Variants in LBR observed in about 807,000 individuals in gnomAD.
LBR encodes the protein lamin B receptor.
A neutral mutation model predicts 74.3 loss-of-function variants in LBR; 28 were observed. That is an observed-to-expected ratio of 0.38 (90% confidence interval 0.28 to 0.52). The LOEUF (loss-of-function observed/expected upper bound fraction) is 0.52. Among genes scored for constraint, LBR ranks in the 20% least tolerant of loss-of-function variants. LBR has a pLI of 0.89. For missense variants in LBR, 717 were observed against 760.3 expected (o/e 0.94, Z 0.67); for synonymous variants, 228 against 269.3 (o/e 0.85, Z 1.50).
At chr1:225,423,445 T>C (rs1413343009) in intron 2 of LBR, among the ~76,000 whole-genome samples, 5 of 146,220 alleles carry the variant, frequency 3.4e-5, no homozygotes, top group African/African-American at 1.3e-4. Context: ...AGCCCTCCCC[T>C]ACCACCCCCT....
intron 1 of LBR, among the ~76,000 whole-genome samples, chr1:225,426,202 C>T (rs936004535): frequency 6.6e-6 from 1 of 151,372 alleles, no homozygotes; most frequent in East Asian, 2.0e-4. Context: ...ACATGATGTG[C>T]ACCCCCACTT....
rs774007560 is a variant in LBR at position 225,404,374 on chromosome 1, G to A, written c.1687+30C>T. 14 of 1,613,246 alleles carry A rather than the reference G, an allele frequency of 8.7e-6. No homozygotes were observed. The East Asian group carries it at 2.9e-4, about 33-fold the overall frequency. On this transcript the variant is annotated intron_variant, in intron 13 of 13. Coordinates refer to ENST00000272163, the MANE Select transcript of LBR (RefSeq NM_002296.4). ...ACACATCTTTCTGGCGGCTAAAAGG[G>A]TCAAACTAGCACTCTTCTGAAATGC...
chr1:225,403,199 C>T lies in LBR; in HGVS notation c.*104G>A, dbSNP rs906652015. Reference sequence around the variant, plus strand: ...TGACTCAAAAAGAAAAAAAAAAGTACAGACCCTGTCAGTGCAACAAAAGAA... The same window carrying T: ...TGACTCAAAAAGAAAAAAAAAAGTATAGACCCTGTCAGTGCAACAAAAGAA... On this transcript the variant is annotated 3_prime_UTR_variant, in exon 14 of 14. Coordinates refer to ENST00000272163, the MANE Select transcript of LBR (RefSeq NM_002296.4). The T allele has an allele frequency of 1.4e-5, 15 of 1,083,882 alleles. No individual in the cohort carries two copies. Among genetic ancestry groups the T allele is most frequent in the African/African-American group, 9.4e-5 (6 of 63,956 alleles). 67.1% of individuals were successfully genotyped at this position (1,083,882 alleles called of 1,614,324 possible).
At chr1:225,411,056 CTTACATTAATT>C (rs1413299405) in intron 9 of LBR, among the ~76,000 whole-genome samples, 6 of 152,162 alleles carry the variant, frequency 3.9e-5, no homozygotes, top group Non-Finnish European at 8.8e-5. Flanking sequence ...TGCATTTTTT[CTTACATTAATT>C]CATCCACACT....
intron 7 of LBR, among the ~76,000 whole-genome samples, chr1:225,414,850 G>A (rs1249040850): frequency 6.6e-6 from 1 of 152,222 alleles, no homozygotes; most frequent in African/African-American, 2.4e-5. Context: ...TGAAGATGCA[G>A]GTGTCAGACG....
At position 225,416,287 on chromosome 1, in the gene LBR, C is replaced by G. The variant is rs138430749; in HGVS notation, c.838-955G>C. Among the ~76,000 whole-genome samples the G allele has an allele frequency of 2.0e-4, 31 of 152,210 alleles. No homozygotes were observed. In the East Asian group the frequency reaches 5.2e-3, roughly 26 times the overall value. ...TCTCCTCTCTTCATTCGGCATCACT[C>G]ACAGCATTCAGCACAGAGATACCCA... is the stretch of plus-strand genomic sequence containing the variant. On this transcript the variant is annotated intron_variant, in intron 6 of 13. Coordinates refer to ENST00000272163, the MANE Select transcript of LBR (RefSeq NM_002296.4).
intron 13 of LBR, 27 bp downstream of exon 13, chr1:225,404,377 A>C: frequency 6.2e-7 from 1 of 1,613,474 alleles, no homozygotes; most frequent in Non-Finnish European, 8.5e-7. Context: ...TAAAAGGGTC[A>C]AACTAGCACT....
intron 7 of LBR, among the ~76,000 whole-genome samples, chr1:225,414,942 G>C (rs1404167336): frequency 6.6e-6 from 1 of 152,234 alleles, no homozygotes; most frequent in Non-Finnish European, 1.5e-5. Context: ...ACATGAGCAA[G>C]GACAAGAGCA....
rs763223904 is a variant in LBR at position 225,403,498 on chromosome 1, TTTA to T, written c.1688-38_1688-36del. On this transcript the variant is annotated intron_variant, in intron 13 of 13. Coordinates refer to ENST00000272163, the MANE Select transcript of LBR (RefSeq NM_002296.4). ...ATAATAGTACACAGTATTAGATATT[TTTA>T]TTATCACTACAATGTATTTTTTCCT... 3.9e-6 allele frequency: 6 copies of T among 1,520,626 alleles called. No homozygotes were observed. In the East Asian group the frequency reaches 9.1e-5, roughly 23 times the overall value. The allele number at this position is 1,520,626 out of a possible 1,614,324, so 94.2% of individuals were successfully genotyped here.
intron 1 of LBR, among the ~76,000 whole-genome samples, chr1:225,426,723 C>G (rs2096139859): frequency 6.6e-6 from 1 of 152,180 alleles, no homozygotes; most frequent in South Asian, 2.1e-4. Flanking sequence ...CCCGGTAGCC[C>G]CACTAGGCAA....
intron 10 of LBR, 87 bp downstream of exon 10, chr1:225,410,204 T>G: frequency 6.3e-7 from 1 of 1,593,554 alleles, no homozygotes; most frequent in Non-Finnish European, 8.6e-7. Context: ...TCCCCTCACT[T>G]TGTGTGCAAG....
intron 1 of LBR, among the ~76,000 whole-genome samples, chr1:225,425,677 T>G (rs1485664061): frequency 6.6e-6 from 1 of 152,162 alleles, no homozygotes; most frequent in Admixed American, 6.5e-5. Context: ...GAAGGAAATG[T>G]ACCCTCCTTC....
intron 1 of LBR, chr1:225,427,400 A>T (rs2096141846): frequency 6.6e-6 from 1 of 152,388 alleles, no homozygotes; most frequent in Admixed American, 6.5e-5. Context: ...GTGTGCCTGG[A>T]GAATCACCAA....
intron 7 of LBR, among the ~76,000 whole-genome samples, chr1:225,413,493 A>G (rs2096110531): frequency 6.6e-6 from 1 of 152,250 alleles, no homozygotes; most frequent in Non-Finnish European, 1.5e-5. Context: ...GTCAAAAGCA[A>G]AAAAGAGGTA....
chr1:225,414,082 G>A, intron 7 of LBR: 1 of 456,732 alleles, frequency 2.2e-6, no homozygotes. Context: ...GAGGGAGGGA[G>A]GGTGCCAAAG....
Position 225,410,749 on chromosome 1 carries a change from A to G in LBR, c.1189-333T>C, listed in dbSNP as rs112835806. On this transcript the variant is annotated intron_variant, in intron 9 of 13. Transcript: ENST00000272163. ...GTCATGAGAGACAAGGAAAGCCTAAACAACTATTAGACTAGAGAAGACTAA... is the reference window on the plus strand; with the variant it reads ...GTCATGAGAGACAAGGAAAGCCTAAGCAACTATTAGACTAGAGAAGACTAA... Among the ~76,000 whole-genome samples the G allele has an allele frequency of 1.9e-3, 292 of 152,350 alleles. 1 individual carries two copies. The highest frequency in any genetic ancestry group is 6.7e-3 in the African/African-American group (277 of 41,592).
chr1:225,405,644 C>G (rs944601229), intron 11 of LBR, among the ~76,000 whole-genome samples: 13 of 152,216 alleles, frequency 8.5e-5, no homozygotes, highest in African/African-American at 3.1e-4. Context: ...ATTCCAGCAC[C>G]ATGCTCTTTG....
chr1:225,426,580 CACA>C (rs1460921500), intron 1 of LBR, among the ~76,000 whole-genome samples: 14 of 152,272 alleles, frequency 9.2e-5, no homozygotes, highest in African/African-American at 3.1e-4. Flanking sequence ...TGTTTGTGAA[CACA>C]ACAATTCTCT....
At chr1:225,415,126 A>G (rs2096114577) in intron 7 of LBR, 152 bp downstream of exon 7, 1 of 602,476 alleles carries the variant, frequency 1.7e-6, no homozygotes, top group Non-Finnish European at 3.0e-6. Flanking sequence ...AATTTATACA[A>G]GTTGGCTACA....
Sources: gnomAD v4.1 joint callset for allele counts (sites outside exome capture counted in the v4.1 genomes callset) on GRCh38, gnomAD v4.1.1 for gene constraint, MANE v1.5 for transcripts, NCBI Gene and HGNC (gene_info 2026-07-23, HGNC 2026-07-21) for gene names.